Variants in REX1BD observed in about 807,000 individuals in gnomAD.
REX1BD encodes the protein required for excision 1-B domain-containing protein.
In REX1BD, 22 loss-of-function variants were observed where a neutral mutation model predicts 24.4. The ratio of observed to expected loss-of-function variants is 0.90; its 90% confidence interval spans 0.64 to 1.29. The LOEUF (loss-of-function observed/expected upper bound fraction) is 1.29, where lower values mean the gene tolerates loss of function less well. Ranked by LOEUF, REX1BD falls within the 50% of genes most tolerant of loss-of-function variation. The pLI, the probability that REX1BD is intolerant of heterozygous loss-of-function variation, is 0.00. For missense variants in REX1BD, 293 were observed against 285.3 expected, an observed-to-expected ratio of 1.03 and a Z score of -0.19; for synonymous variants, 146 against 125.9, an observed-to-expected ratio of 1.16 and a Z score of -1.07.
At chr19:18,590,209 CTGG>C (rs200709300) in intron 3 of REX1BD, 37,289 of 124,950 alleles carry the variant, frequency 0.3, 6,779 homozygotes, top group African/African-American at 0.49. Context: ...CTTTTTCTTT[CTGG>C]TGTTTTTTTT....
At position 18,592,291 on chromosome 19, in the gene REX1BD, T is replaced by C; in HGVS notation, c.*111T>C. The C allele has an allele frequency of 8.6e-7, 1 of 1,165,498 alleles. No homozygotes were observed. The highest frequency in any genetic ancestry group is 1.3e-6 in the Non-Finnish European group (1 of 791,858). The allele number at this position is 1,165,498 out of a possible 1,614,324, so 72.2% of individuals were successfully genotyped here. On this transcript the variant is annotated 3_prime_UTR_variant, in exon 5 of 5. Coordinates refer to ENST00000358607, the MANE Select transcript of REX1BD (RefSeq NM_001100418.2). Reference sequence around the variant, plus strand: ...TTGCGCCCCACTGCGCTGCTGACCTTCCTGCAGTTCCAGACACCTCCCACA... The same window carrying C: ...TTGCGCCCCACTGCGCTGCTGACCTCCCTGCAGTTCCAGACACCTCCCACA...
intron 4 of REX1BD, 120 bp from the exon 5 acceptor site, chr19:18,591,987 AG>A: frequency 1.9e-6 from 2 of 1,080,854 alleles, no homozygotes; most frequent in Non-Finnish European, 2.8e-6. Context: ...TGCTGCCTGG[AG>A]GTTTGGCGGC....
At chr19:18,589,169 G>A (rs1975981147) in intron 2 of REX1BD, 92 bp downstream of exon 2, 2 of 1,477,762 alleles carry the variant, frequency 1.4e-6, no homozygotes, top group Non-Finnish European at 1.8e-6. Flanking sequence ...AGGAGGAGCT[G>A]GGTCCTTGTG....
chr19:18,588,982 C>T lies in REX1BD; in HGVS notation c.100-13C>T. On this transcript the variant is annotated splice_polypyrimidine_tract_variant and intron_variant, in intron 1 of 4. Coordinates refer to ENST00000358607, the MANE Select transcript of REX1BD (RefSeq NM_001100418.2). ...GCGGGCTTCATGCCCCAGCCGTGCCCCCTGTCCCGCAGAAAGACGCCCCGA... is the reference window on the plus strand; with the variant it reads ...GCGGGCTTCATGCCCCAGCCGTGCCTCCTGTCCCGCAGAAAGACGCCCCGA... 1.3e-6 allele frequency: 2 copies of T among 1,527,082 alleles called. No homozygotes were observed. The highest frequency in any genetic ancestry group is 1.2e-5 in the South Asian group (1 of 83,040). The allele number at this position is 1,527,082 out of a possible 1,614,324, so 94.6% of individuals were successfully genotyped here.
chr19:18,589,257 C>A, intron 2 of REX1BD, 156 bp from the exon 3 acceptor site: 1 of 1,535,226 alleles, frequency 6.5e-7, no homozygotes. Flanking sequence ...ACAGCACGTC[C>A]CCACTACCCG....
intron 4 of REX1BD, 140 bp downstream of exon 4, chr19:18,591,073 A>G (rs1165399499): frequency 1.4e-6 from 1 of 715,944 alleles, no homozygotes; most frequent in Non-Finnish European, 2.2e-6. Context: ...ACACTTCCCC[A>G]GAGGGCACAG....
chr19:18,590,551 T>A (rs1976019259), intron 3 of REX1BD: 1 of 308,856 alleles, frequency 3.2e-6, no homozygotes, highest in Non-Finnish European at 6.1e-6. Flanking sequence ...TGGGTCCCCG[T>A]CCCTGGGACC....
rs1193317165 is a variant in REX1BD at position 18,589,612 on chromosome 19, C to T, written c.382C>T (p.Pro128Ser). The T allele has an allele frequency of 2.6e-6, 4 of 1,532,024 alleles. No individual in the cohort carries two copies. The Admixed American group carries it at 6.0e-5, about 23-fold the overall frequency. The allele number at this position is 1,532,024 out of a possible 1,614,324, so 94.9% of individuals were successfully genotyped here. The change falls in exon 3 of 5, where the codon CCT becomes TCT. Residue 128 changes from proline to serine, a missense_variant. Transcript: ENST00000358607. Reference sequence around the variant, plus strand: ...GGCGGTGGAAGCAGAGCTGGGCGGGCCTCGCAGGCAGCCGCTGCTCGCCGG... The same window carrying T: ...GGCGGTGGAAGCAGAGCTGGGCGGGTCTCGCAGGCAGCCGCTGCTCGCCGG... ...VLAVEAELGGPRRQPLLAGHV... is the reference protein window; with the variant it reads ...VLAVEAELGGSRRQPLLAGHV...
Position 18,590,882 on chromosome 19 carries a change from C to G in REX1BD, c.482C>G (p.Pro161Arg). ...GCCCTGCTGCAGTTGATGGAGACGC[C>G]AGAGCTGGCGGGGCAGGAGGACGCT... ...TVALLQLMET[P>R]ELAGQEDAVR... Residue 161 changes from proline (P) to arginine (R), a missense_variant, in exon 4 of 5, where the codon CCA becomes CGA. By Grantham distance (103) the Pro-to-Arg change is moderately radical. Coordinates refer to ENST00000358607, the MANE Select transcript of REX1BD (RefSeq NM_001100418.2). 6.2e-7 allele frequency: 1 copy of G among 1,606,178 alleles called. No individual in the cohort carries two copies. Among genetic ancestry groups the G allele is most frequent in the Non-Finnish European group, 8.5e-7 (1 of 1,176,830 alleles).
rs569412284 is a variant in REX1BD, at chr19:18,592,097, C to T, written c.534-11C>T. 18 of 1,613,948 alleles carry T rather than the reference C, an allele frequency of 1.1e-5. No homozygotes were observed. Among genetic ancestry groups the T allele is most frequent in the African/African-American group, 6.7e-5 (5 of 75,078 alleles). ...CTGGGTTTTATTTATAGTTCCCATC[C>T]GCTCTTGTAGGGTAATTAAAACCAT... On this transcript the variant is annotated splice_polypyrimidine_tract_variant and intron_variant, in intron 4 of 4. Transcript: ENST00000358607.
chr19:18,589,642 G>T lies in REX1BD; in HGVS notation c.412G>T (p.Val138Leu), dbSNP rs761478417. The T allele has an allele frequency of 1.3e-6, 2 of 1,512,568 alleles. No homozygotes were observed. Among genetic ancestry groups the T allele is most frequent in the South Asian group, 2.5e-5 (2 of 79,494 alleles). The allele number at this position is 1,512,568 out of a possible 1,614,324, so 93.7% of individuals were successfully genotyped here. Residue 138 changes from valine to leucine, a missense_variant, in exon 3 of 5, where the codon GTG becomes TTG. By Grantham distance (32) the Val-to-Leu change is conservative (BLOSUM62 1). Coordinates refer to ENST00000358607, the MANE Select transcript of REX1BD (RefSeq NM_001100418.2). ...PRRQPLLAGHVRSLQELEQTR... is the reference protein window; with the variant it reads ...PRRQPLLAGHLRSLQELEQTR... ...CAGGCAGCCGCTGCTCGCCGGCCAC[G>T]TGCGCAGCCTGCAGGAGCTGGAGCA...
At position 18,592,231 on chromosome 19, in the gene REX1BD, C is replaced by CGCCCA. The variant is rs1317551179; in HGVS notation, c.*61_*65dup. 6 of 1,606,746 alleles carry CGCCCA rather than the reference C, an allele frequency of 3.7e-6. No homozygotes were observed. The highest frequency in any genetic ancestry group is 1.3e-5 in the African/African-American group (1 of 74,796). On this transcript the variant is annotated 3_prime_UTR_variant, in exon 5 of 5. Transcript: ENST00000358607. The stretch of plus-strand genomic sequence containing the variant: ...GGGAGATGGGAAACGGGGCGGATGG[C>CGCCCA]GCCCAGCCCAGCCCTAACTGCCAGC...
chr19:18,589,201 C>T (rs1341359289), intron 2 of REX1BD, 124 bp downstream of exon 2: 1 of 1,500,086 alleles, frequency 6.7e-7, no homozygotes, highest in South Asian at 1.3e-5. Context: ...TCAGATGGGG[C>T]GGGGATTTCG....
chr19:18,590,954 C>T (rs754842666), intron 4 of REX1BD, 21 bp downstream of exon 4: 54 of 1,518,472 alleles, frequency 3.6e-5, no homozygotes, highest in Middle Eastern at 1.7e-4. Context: ...CTGCCCAAGC[C>T]GCCTGGCTAT....
In REX1BD at chr19:18,590,211, GGTGT is replaced by G. The variant is rs1250026057; in HGVS notation, c.453+529_453+532del. 5.1e-3 allele frequency: 371 copies of G among 73,298 alleles called. 1 individual carries two copies. Among genetic ancestry groups the G allele is most frequent in the African/African-American group, 0.021 (303 of 14,176 alleles). 4.5% of individuals were successfully genotyped at this position (73,298 alleles called of 1,614,324 possible). A position where few individuals can be genotyped will look rare whatever the true frequency, so the allele number is the denominator to read the frequency against. ...GCGTCTCTTTGGCCTTTTTCTTTCTGGTGTTTTTTTTTTTTTTTTTTTTTTTTAA... is the reference window on the plus strand; with the variant it reads ...GCGTCTCTTTGGCCTTTTTCTTTCTGTTTTTTTTTTTTTTTTTTTTTTTAA... On this transcript the variant is annotated intron_variant, in intron 3 of 4. Coordinates refer to ENST00000358607, the MANE Select transcript of REX1BD (RefSeq NM_001100418.2).
chr19:18,589,341 G>A (rs1975986573), intron 2 of REX1BD, 72 bp from the exon 3 acceptor site: 13 of 1,548,700 alleles, frequency 8.4e-6, no homozygotes, highest in South Asian at 2.4e-5. Flanking sequence ...CCCTGCGGGA[G>A]TCAGGAAGCG....
intron 2 of REX1BD, 142 bp from the exon 3 acceptor site, chr19:18,589,271 A>G: frequency 6.5e-7 from 1 of 1,536,436 alleles, no homozygotes; most frequent in Non-Finnish European, 8.7e-7. Context: ...CTACCCGACG[A>G]CTCACTCTTC....
In REX1BD at chr19:18,592,289, C is replaced by T. The variant is rs1976060952; in HGVS notation, c.*109C>T. 3 of 1,204,464 alleles carry T rather than the reference C, an allele frequency of 2.5e-6. No homozygotes were observed. Among genetic ancestry groups the T allele is most frequent in the East Asian group, 2.4e-5 (1 of 42,216 alleles). 74.6% of individuals were successfully genotyped at this position (1,204,464 alleles called of 1,614,324 possible). ...GGTTGCGCCCCACTGCGCTGCTGACCTTCCTGCAGTTCCAGACACCTCCCA... is the reference window on the plus strand; with the variant it reads ...GGTTGCGCCCCACTGCGCTGCTGACTTTCCTGCAGTTCCAGACACCTCCCA... On this transcript the variant is annotated 3_prime_UTR_variant, in exon 5 of 5. Coordinates refer to ENST00000358607, the MANE Select transcript of REX1BD (RefSeq NM_001100418.2).
rs1350146193 is a variant in REX1BD, at chr19:18,589,719, G to C, written c.453+36G>C. The C allele has an allele frequency of 2.8e-6, 4 of 1,441,956 alleles. No individual in the cohort carries two copies. The South Asian group carries it at 4.4e-5, about 16-fold the overall frequency. 89.3% of individuals were successfully genotyped at this position (1,441,956 alleles called of 1,614,324 possible). The stretch of plus-strand genomic sequence containing the variant: ...CACCCCTTCCCCGCCGTGTCTCTAG[G>C]ACCCTGGCCGGCTCCTCTCATGACG... On this transcript the variant is annotated intron_variant, in intron 3 of 4. Coordinates refer to ENST00000358607, the MANE Select transcript of REX1BD (RefSeq NM_001100418.2).
Sources: allele counts gnomAD v4.1 joint callset, GRCh38; gene constraint gnomAD v4.1.1; transcripts MANE v1.5; gene names NCBI Gene and HGNC (gene_info 2026-07-23, HGNC 2026-07-21).